Variants in F8 observed in about 807,000 individuals in gnomAD.
The protein encoded by F8 is antihemophilic factor.
In F8, 12 loss-of-function variants were observed where a neutral mutation model predicts 140.6. That is an observed-to-expected ratio of 0.09 (90% CI 0.05 to 0.14). F8 has a LOEUF of 0.14. F8 is among the 10% of genes least tolerant of loss of function. F8 has a pLI of 1.00. For synonymous variants in F8, 585 were observed against 614.6 expected (o/e 0.95, Z 0.71); for missense variants, 1,354 against 1,720.7 (o/e 0.79, Z 3.77).
At chrX:154,937,582 C>T (rs1382193557) in intron 13 of F8, among the ~76,000 whole-genome samples, 1 of 110,508 alleles carries the variant, frequency 9.0e-6, no homozygotes, top group Non-Finnish European at 1.9e-5. Flanking sequence ...GATAAAAGAA[C>T]ATTACAAATA....
intron 14 of F8, among the ~76,000 whole-genome samples, chrX:154,925,566 A>G (rs1425089502): frequency 8.9e-6 from 1 of 112,803 alleles, no homozygotes; most frequent in Non-Finnish European, 1.9e-5. Flanking sequence ...CACCTCTTGC[A>G]TCAGCATGAC....
At position 154,841,806 on chromosome X, in the gene F8, G is replaced by A. The variant is rs782434174; in HGVS notation, c.6901-4054C>T. On this transcript the variant is annotated intron_variant, in intron 25 of 25. Transcript: ENST00000360256. ...TGCATTCCTAGCATAAATCCAATTTGGATCCATATTGCTAATATTTTGTTT... is the reference window on the plus strand; with the variant it reads ...TGCATTCCTAGCATAAATCCAATTTAGATCCATATTGCTAATATTTTGTTT... Among the ~76,000 whole-genome samples, 26 of 111,328 alleles carry A rather than the reference G, an allele frequency of 2.3e-4. No individual in the cohort carries two copies. In the East Asian group the frequency reaches 5.0e-3, roughly 22 times the overall value.
At chrX:154,998,069 C>T (rs1208897941) in intron 2 of F8, among the ~76,000 whole-genome samples, 1 of 112,503 alleles carries the variant, frequency 8.9e-6, no homozygotes, top group Non-Finnish European at 1.9e-5. Context: ...TAGACCACTG[C>T]TTTTAATTAC....
chrX:154,919,483 C>T, intron 14 of F8: 1 of 280,552 alleles, frequency 3.6e-6, no homozygotes, highest in Admixed American at 4.9e-5. Flanking sequence ...GCAAAAGTGT[C>T]CATCATACAA....
chrX:155,011,748 C>G (rs1192828143), intron 1 of F8, among the ~76,000 whole-genome samples: 2 of 112,224 alleles, frequency 1.8e-5, no homozygotes, highest in Non-Finnish European at 3.8e-5. Context: ...CTGATACATA[C>G]TACAACATGG....
At chrX:154,916,759 C>T in intron 14 of F8, among the ~76,000 whole-genome samples, 1 of 110,082 alleles carries the variant, frequency 9.1e-6, no homozygotes, top group Non-Finnish European at 1.9e-5. Context: ...TTTCATTGGT[C>T]TTTCATATTG....
intron 22 of F8, among the ~76,000 whole-genome samples, chrX:154,893,065 A>G (rs1280665653): frequency 8.9e-6 from 1 of 111,968 alleles, no homozygotes; most frequent in Non-Finnish European, 1.9e-5. Flanking sequence ...GTTCCTCTCT[A>G]TTGATTCTAA....
intron 11 of F8, 61 bp from the exon 12 acceptor site, chrX:154,954,103 T>C: frequency 1.8e-6 from 2 of 1,098,347 alleles, no homozygotes; most frequent in Admixed American, 2.2e-5. Flanking sequence ...AGGTAGGAGC[T>C]AGCAGTCTAT....
intron 25 of F8, among the ~76,000 whole-genome samples, chrX:154,837,960 TAC>T (rs1557271085): frequency 8.9e-6 from 1 of 111,784 alleles, no homozygotes; most frequent in Non-Finnish European, 1.9e-5. Flanking sequence ...GCCTTATATC[TAC>T]AGTGTTCTCA....
At chrX:154,923,115 GGT>G (rs1274115022) in intron 14 of F8, among the ~76,000 whole-genome samples, 1 of 110,422 alleles carries the variant, frequency 9.1e-6, no homozygotes, top group Non-Finnish European at 1.9e-5. Context: ...AAGAGGCTGG[GGT>G]GTGTGTGTGT....
intron 25 of F8, among the ~76,000 whole-genome samples, chrX:154,845,759 A>AT (rs1218336401): frequency 1.8e-5 from 2 of 111,225 alleles, no homozygotes; most frequent in Non-Finnish European, 3.8e-5. Flanking sequence ...GGATTCATTG[A>AT]TTTTTTAAAG....
At chrX:155,016,639 G>A (rs1309210909) in intron 1 of F8, among the ~76,000 whole-genome samples, 2 of 112,628 alleles carry the variant, frequency 1.8e-5, no homozygotes, top group African/African-American at 6.5e-5. Context: ...AAGAAAAAAA[G>A]CCATAGAAGA....
chrX:154,933,184 TG>T (rs202075160), intron 13 of F8, among the ~76,000 whole-genome samples: 1,762 of 112,170 alleles, frequency 0.016, 14 homozygotes, highest in Middle Eastern at 0.037. Context: ...TAGAGTTGGT[TG>T]TTTGATGAAA....
chrX:155,004,997 C>A (rs782271674), intron 1 of F8, among the ~76,000 whole-genome samples: 1 of 111,845 alleles, frequency 8.9e-6, no homozygotes, highest in Non-Finnish European at 1.9e-5. Context: ...TAAGTAGGAG[C>A]AGCCTCACAC....
chrX:154,900,023 G>T, intron 20 of F8, 72 bp from the exon 21 acceptor site: 1 of 957,860 alleles, frequency 1.0e-6, no homozygotes, highest in African/African-American at 1.9e-5. Flanking sequence ...TAAAATTATT[G>T]TCTTGAGAAA....
At chrX:154,971,654 T>C (rs901030210) in intron 6 of F8, among the ~76,000 whole-genome samples, 11 of 111,234 alleles carry the variant, frequency 9.9e-5, no homozygotes, top group Admixed American at 9.6e-4. Flanking sequence ...ACCTGTAACA[T>C]TGTACCCATT....
chrX:155,013,103 A>G (rs1474464755), intron 1 of F8, among the ~76,000 whole-genome samples: 31 of 93,468 alleles, frequency 3.3e-4, no homozygotes, highest in Admixed American at 5.3e-4. Flanking sequence ...CCGAGATCGC[A>G]CCACTGCACT....
chrX:154,849,227 C>T (rs933388024), intron 25 of F8, among the ~76,000 whole-genome samples: 7 of 110,267 alleles, frequency 6.3e-5, no homozygotes, highest in Non-Finnish European at 1.1e-4. Flanking sequence ...CCACCTGCCT[C>T]GGCCTCCCAA....
At chrX:154,978,210 G>C (rs1028259445) in intron 6 of F8, among the ~76,000 whole-genome samples, 18 of 109,588 alleles carry the variant, frequency 1.6e-4, no homozygotes, top group African/African-American at 6.0e-4. Context: ...GTATCTCACT[G>C]AGTTTATTTA....
Sources: allele counts gnomAD v4.1 joint callset (sites outside exome capture counted in the v4.1 genomes callset), GRCh38; gene constraint gnomAD v4.1.1; transcripts MANE v1.5; gene names NCBI Gene and HGNC (gene_info 2026-07-23, HGNC 2026-07-21).